The following ZC3H18 variants were observed in gnomAD, a reference collection of about 807,000 sequenced individuals.
The protein encoded by ZC3H18 is zinc finger CCCH-type containing 18.
ZC3H18 carries 8 observed loss-of-function variants against 106.1 expected under a neutral mutation model. The ratio of observed to expected loss-of-function variants is 0.08; its 90% CI spans 0.04 to 0.14. ZC3H18 has a LOEUF of 0.14. Among genes scored for constraint, ZC3H18 ranks in the 10% least tolerant of loss-of-function variants. The pLI is 1.00. For missense variants in ZC3H18, 1,318 were observed against 1,278.4 expected, an observed-to-expected ratio of 1.03 and a Z score of -0.47; for synonymous variants, 635 against 522.1, an observed-to-expected ratio of 1.22 and a Z score of -2.95.
At chr16:88,629,529 A>T (rs115822567) in intron 16 of ZC3H18, among the ~76,000 whole-genome samples, 55 of 152,304 alleles carry the variant, frequency 3.6e-4, no homozygotes, top group African/African-American at 1.2e-3. Context: ...AATGAGCAGG[A>T]ATGGCATTGG....
chr16:88,575,197 A>G (rs773035297), intron 1 of ZC3H18, among the ~76,000 whole-genome samples: 8 of 151,928 alleles, frequency 5.3e-5, no homozygotes, highest in Non-Finnish European at 7.4e-5. Context: ...CTGTAGGTTG[A>G]TACCAATTCT....
rs531641016 is a variant in ZC3H18 at position 88,588,910 on chromosome 16, G to T, written c.688+2226G>T. On this transcript the variant is annotated intron_variant, in intron 3 of 17. Coordinates refer to ENST00000301011, the MANE Select transcript of ZC3H18 (RefSeq NM_144604.4). ...TTGAAAAAAAAAAAGTCAGAAGCTA[G>T]ATAAGGCAGCATTTTTGCGGCTTAA... 4.6e-5 allele frequency among the ~76,000 whole-genome samples: 7 copies of T among 152,104 alleles called. No homozygotes were observed. In the East Asian group the frequency reaches 1.4e-3, roughly 29 times the overall value.
intron 8 of ZC3H18, among the ~76,000 whole-genome samples, chr16:88,613,669 T>C (rs1905400994): frequency 6.6e-6 from 1 of 152,252 alleles, no homozygotes; most frequent in Non-Finnish European, 1.5e-5. Flanking sequence ...TCAGATCCTT[T>C]GCTCATTTTT....
rs115402190 is a variant in ZC3H18 at position 88,572,660 on chromosome 16, G to A, written c.-15+2094G>A. On this transcript the variant is annotated intron_variant, in intron 1 of 17. Coordinates refer to ENST00000301011, the MANE Select transcript of ZC3H18 (RefSeq NM_144604.4). Reference sequence around the variant, plus strand: ...AAGAAGACCAAACTGAGCACAAATTGCAAACGTGGGTATCAGTTGAGACTC... The same window carrying A: ...AAGAAGACCAAACTGAGCACAAATTACAAACGTGGGTATCAGTTGAGACTC... Among the ~76,000 whole-genome samples, 1,133 of 152,158 alleles carry A rather than the reference G, an allele frequency of 7.4e-3. 21 individuals carry two copies. The highest frequency in any genetic ancestry group is 0.026 in the African/African-American group (1,090 of 41,540).
intron 3 of ZC3H18, among the ~76,000 whole-genome samples, chr16:88,595,316 C>T (rs547008909): frequency 1.3e-5 from 2 of 152,354 alleles, no homozygotes; most frequent in African/African-American, 4.8e-5. Context: ...CCCTCCTTGT[C>T]CTCTTCTGGC....
At chr16:88,623,083 G>A (rs1460399521) in intron 9 of ZC3H18, 136 bp from the exon 10 acceptor site, 24 of 1,282,760 alleles carry the variant, frequency 1.9e-5, no homozygotes, top group Admixed American at 9.3e-5. Flanking sequence ...GTCTGCAGCT[G>A]TGCGCGCGTG....
At chr16:88,600,281 C>G (rs1236412120) in intron 6 of ZC3H18, among the ~76,000 whole-genome samples, 1 of 152,208 alleles carries the variant, frequency 6.6e-6, no homozygotes, top group East Asian at 1.9e-4. Context: ...CACCCCTGCC[C>G]ACATTACCCA....
At chr16:88,586,455 C>T in intron 2 of ZC3H18, 145 bp from the exon 3 acceptor site, 1 of 696,102 alleles carries the variant, frequency 1.4e-6, no homozygotes, top group South Asian at 1.7e-5. Context: ...AGATCTGGGA[C>T]CTAAGATTTG....
At chr16:88,608,887 C>A in intron 6 of ZC3H18, 47 bp from the exon 7 acceptor site, 1 of 1,494,332 alleles carries the variant, frequency 6.7e-7, no homozygotes, top group Non-Finnish European at 9.3e-7. Context: ...TCTTTTTACG[C>A]CAGTGCTCCT....
chr16:88,593,399 T>TG (rs560117170), intron 3 of ZC3H18, among the ~76,000 whole-genome samples: 18 of 152,316 alleles, frequency 1.2e-4, no homozygotes, highest in African/African-American at 4.1e-4. Context: ...GTGTCCCAGG[T>TG]GGGGCAGAGG....
chr16:88,571,512 T>A, intron 1 of ZC3H18: 2 of 582,072 alleles, frequency 3.4e-6, no homozygotes, highest in Non-Finnish European at 2.2e-6. Flanking sequence ...GGGAGGAGAG[T>A]CTTTTCCTGA....
At chr16:88,586,840 C>T (rs1016747108) in intron 3 of ZC3H18, 156 bp downstream of exon 3, 8 of 620,960 alleles carry the variant, frequency 1.3e-5, no homozygotes, top group African/African-American at 5.6e-5. Flanking sequence ...GTGGTGGTGG[C>T]AATATTGATG....
intron 2 of ZC3H18, among the ~76,000 whole-genome samples, chr16:88,579,973 G>A (rs906051470): frequency 2.0e-5 from 3 of 152,154 alleles, no homozygotes; most frequent in African/African-American, 7.2e-5. Context: ...GGTGGGTTCA[G>A]CCTCTACAAG....
At chr16:88,617,197 G>A (rs144941204) in intron 8 of ZC3H18, among the ~76,000 whole-genome samples, 8 of 152,258 alleles carry the variant, frequency 5.3e-5, no homozygotes, top group Non-Finnish European at 1.2e-4. Context: ...TACTGCCTAA[G>A]CTGTTTGGCT....
At position 88,630,176 on chromosome 16, in the gene ZC3H18, TC is replaced by T. The variant is rs1279377959; in HGVS notation, c.2567-307del. ...TTTACTGCCATGTCTTTCTTGTTGT[TC>T]CGTATTTGAAGACCCATGTGATAAA... On this transcript the variant is annotated intron_variant, in intron 16 of 17. Coordinates refer to ENST00000301011, the MANE Select transcript of ZC3H18 (RefSeq NM_144604.4). 1.4e-4 allele frequency: 46 copies of T among 337,334 alleles called. 1 individual carries two copies. Among genetic ancestry groups the T allele is most frequent in the Non-Finnish European group, 2.2e-4 (41 of 183,796 alleles). 20.9% of individuals were successfully genotyped at this position (337,334 alleles called of 1,614,324 possible).
chr16:88,613,653 G>T (rs764224549), intron 8 of ZC3H18, among the ~76,000 whole-genome samples: 1 of 152,160 alleles, frequency 6.6e-6, no homozygotes, highest in Non-Finnish European at 1.5e-5. Context: ...TTGGAGAAAC[G>T]CCTATTCAGA....
At chr16:88,611,562 G>C in intron 8 of ZC3H18, 26 bp downstream of exon 8, 3 of 1,545,948 alleles carry the variant, frequency 1.9e-6, no homozygotes, top group Non-Finnish European at 2.6e-6. Context: ...TGAAGCCCAG[G>C]GGTGTGGGGG....
intron 6 of ZC3H18, among the ~76,000 whole-genome samples, chr16:88,603,447 C>T (rs1435435299): frequency 1.3e-5 from 2 of 151,052 alleles, no homozygotes; most frequent in Non-Finnish European, 3.0e-5. Flanking sequence ...ACGGTGAAAC[C>T]CCATCTCTAC....
chr16:88,627,626 C>G lies in ZC3H18; in HGVS notation c.2113C>G (p.Leu705Val). 6.2e-7 allele frequency: 1 copy of G among 1,603,004 alleles called. No individual in the cohort carries two copies. Among genetic ancestry groups the G allele is most frequent in the East Asian group, 2.2e-5 (1 of 44,556 alleles). ...YSGSSSRSRS[L>V]SVSSVSSVSS... ...GAGATGTGCTTGTGTGTCCAGGTCC[C>G]TGAGCGTGAGCAGCGTCTCCTCAGT... The change falls in exon 14 of 18, where the codon CTG becomes GTG. Residue 705 changes from leucine (L) to valine (V), a missense_variant. Transcript: ENST00000301011. The surrounding 1 kb of genome is among the most constrained non-coding windows in gnomAD (Gnocchi z 4.5).
Sources: allele counts gnomAD v4.1 joint callset (sites outside exome capture counted in the v4.1 genomes callset), GRCh38; gene constraint gnomAD v4.1.1; non-coding constraint Gnocchi (gnomAD v3.1); transcripts MANE v1.5; gene names NCBI Gene and HGNC (gene_info 2026-07-23, HGNC 2026-07-21).